Variants in SPHKAP observed in about 807,000 individuals in gnomAD.
SPHKAP encodes the protein A-kinase anchor protein SPHKAP.
SPHKAP carries 67 observed loss-of-function variants against 137.5 expected under a neutral mutation model. The ratio of observed to expected loss-of-function variants is 0.49; its 90% confidence interval spans 0.40 to 0.60. SPHKAP has a LOEUF of 0.60. SPHKAP is among the 20% of genes least tolerant of loss of function. The pLI, the probability that SPHKAP is intolerant of heterozygous loss-of-function variation, is 0.00. For missense variants in SPHKAP, 2,097 were observed against 2,069.3 expected, an observed-to-expected ratio of 1.01 and a Z score of -0.26; for synonymous variants, 813 against 785.3, an observed-to-expected ratio of 1.04 and a Z score of -0.59.
intron 1 of SPHKAP, among the ~76,000 whole-genome samples, chr2:228,175,882 A>G (rs972113514): frequency 6.6e-6 from 1 of 152,226 alleles, no homozygotes; most frequent in African/African-American, 2.4e-5. Context: ...GATAAAGTCA[A>G]CTTTATCTCT....
chr2:228,125,135 C>G (rs764314521), intron 2 of SPHKAP, among the ~76,000 whole-genome samples: 20 of 152,120 alleles, frequency 1.3e-4, no homozygotes, highest in Non-Finnish European at 2.5e-4. Context: ...GAGGGATATT[C>G]CAGGTGTTGA....
intron 7 of SPHKAP, among the ~76,000 whole-genome samples, chr2:228,004,634 T>C (rs1382086830): frequency 6.6e-6 from 1 of 152,186 alleles, no homozygotes; most frequent in East Asian, 1.9e-4. Context: ...CTCTAGTTCT[T>C]TTAATTGTGA....
intron 2 of SPHKAP, among the ~76,000 whole-genome samples, chr2:228,113,422 C>T (rs968421748): frequency 1.3e-5 from 2 of 152,078 alleles, no homozygotes; most frequent in South Asian, 4.1e-4. Flanking sequence ...CATTAGCTAT[C>T]ATCATAGTTA....
At chr2:227,984,388 T>C (rs2106150735) in intron 11 of SPHKAP, among the ~76,000 whole-genome samples, 1 of 152,086 alleles carries the variant, frequency 6.6e-6, no homozygotes, top group East Asian at 1.9e-4. Context: ...TCTTAGCTTC[T>C]TGTCTACCTG....
At chr2:228,115,144 G>A (rs534707558) in intron 2 of SPHKAP, among the ~76,000 whole-genome samples, 58 of 152,170 alleles carry the variant, frequency 3.8e-4, no homozygotes, top group African/African-American at 1.4e-3. Context: ...CAGTGTGTTG[G>A]TGTTTCTACT....
rs865967990 is a variant in SPHKAP, at chr2:228,019,352, G to A, written c.1502C>T (p.Ala501Val). Reference protein sequence around the residue: ...QPQSALEVALACAATVIGTIS... With the variant: ...QPQSALEVALVCAATVIGTIS... ...AGTTCCAATCACAGTGGCTGCACAA[G>A]CTAACGCCACTTCTAGAGCACTCTG... Residue 501 changes from alanine (A) to valine (V), a missense_variant, in exon 7 of 12, where the codon GCT (alanine) becomes GTT (valine). Ala to Val is a moderately conservative substitution (Grantham distance 64). Coordinates refer to ENST00000392056, the MANE Select transcript of SPHKAP (RefSeq NM_001142644.2). The A allele has an allele frequency of 6.2e-7, 1 of 1,614,064 alleles. No individual in the cohort carries two copies. The highest frequency in any genetic ancestry group is 8.5e-7 in the Non-Finnish European group (1 of 1,180,046).
chr2:228,019,732 T>C lies in SPHKAP; in HGVS notation c.1122A>G (p.Thr374=). 1 of 1,614,224 alleles carries C rather than the reference T, an allele frequency of 6.2e-7. No homozygotes were observed. The highest frequency in any genetic ancestry group is 8.5e-7 in the Non-Finnish European group (1 of 1,180,024). The change falls in exon 7 of 12, where the codon ACA becomes ACG. Residue 374 remains threonine (T), a synonymous_variant. Transcript: ENST00000392056. ...SNLNPGDHED[T]RNALPPRQDG... is the part of the protein sequence containing the mutation. ...CTTGTCTAGGAGGGAGAGCGTTTCT[T>C]GTGTCTTCATGGTCTCCTGGGTTTA...
At chr2:227,997,479 C>A (rs532352459) in intron 7 of SPHKAP, among the ~76,000 whole-genome samples, 1 of 152,254 alleles carries the variant, frequency 6.6e-6, no homozygotes, top group East Asian at 1.9e-4. Context: ...GAAAAAAAAT[C>A]ATTTAATGCA....
At chr2:228,151,536 T>G (rs1232383519) in intron 1 of SPHKAP, among the ~76,000 whole-genome samples, 1 of 152,176 alleles carries the variant, frequency 6.6e-6, no homozygotes, top group African/African-American at 2.4e-5. Context: ...TGAACTAGTT[T>G]ACAGTCCCGT....
At chr2:228,145,491 G>T (rs921633388) in intron 1 of SPHKAP, among the ~76,000 whole-genome samples, 3 of 152,232 alleles carry the variant, frequency 2.0e-5, no homozygotes, top group Admixed American at 6.5e-5. Flanking sequence ...GGGAGGATAA[G>T]CTTGCCCAGG....
chr2:228,055,444 C>G (rs193279126), intron 3 of SPHKAP, among the ~76,000 whole-genome samples: 59 of 152,294 alleles, frequency 3.9e-4, no homozygotes, highest in Non-Finnish European at 5.9e-4. Context: ...TTCCCAGGTC[C>G]TTGGTTCATG....
At chr2:228,084,805 G>A (rs898186140) in intron 3 of SPHKAP, among the ~76,000 whole-genome samples, 44 of 152,058 alleles carry the variant, frequency 2.9e-4, no homozygotes, top group African/African-American at 1.1e-3. Flanking sequence ...AGAAAGGGCT[G>A]GATTGAACAG....
At chr2:228,025,593 C>T in intron 4 of SPHKAP, 65 bp from the exon 5 acceptor site, 1 of 1,576,726 alleles carries the variant, frequency 6.3e-7, no homozygotes, top group Non-Finnish European at 8.6e-7. Context: ...TCACAAACTA[C>T]TTTACCTTCA....
intron 7 of SPHKAP, among the ~76,000 whole-genome samples, chr2:228,004,131 G>T (rs1694028827): frequency 6.6e-6 from 1 of 152,204 alleles, no homozygotes; most frequent in South Asian, 2.1e-4. Context: ...GTTTCAAAAA[G>T]ATTGGTACCA....
chr2:228,030,554 A>AAAAAAAAAG (rs144401199), intron 3 of SPHKAP, among the ~76,000 whole-genome samples: 1 of 140,174 alleles, frequency 7.1e-6, no homozygotes, highest in African/African-American at 2.7e-5. Context: ...AAAAAAAAAA[A>AAAAAAAAAG]AATAAAAAAA....
chr2:228,031,330 C>T (rs1333861785), intron 3 of SPHKAP, among the ~76,000 whole-genome samples: 1 of 152,212 alleles, frequency 6.6e-6, no homozygotes, highest in Non-Finnish European at 1.5e-5. Flanking sequence ...GGGGTGTTGG[C>T]CATTGCCCAG....
intron 3 of SPHKAP, among the ~76,000 whole-genome samples, chr2:228,092,477 G>A (rs866290721): frequency 1.7e-3 from 13 of 7,682 alleles, no homozygotes; most frequent in East Asian, 0.011. Flanking sequence ...CCATATATAT[G>A]TATACATATA....
At chr2:228,166,654 T>C (rs1458061160) in intron 1 of SPHKAP, among the ~76,000 whole-genome samples, 1 of 152,216 alleles carries the variant, frequency 6.6e-6, no homozygotes, top group East Asian at 1.9e-4. Context: ...TTTGACACAA[T>C]AGAAATACTG....
intron 7 of SPHKAP, among the ~76,000 whole-genome samples, chr2:228,008,860 T>A (rs565229085): frequency 6.6e-6 from 1 of 152,252 alleles, no homozygotes; most frequent in East Asian, 1.9e-4. Context: ...AATACCACAC[T>A]CTCTTGACTA....
Sources: allele counts gnomAD v4.1 joint callset (sites outside exome capture counted in the v4.1 genomes callset), GRCh38; gene constraint gnomAD v4.1.1; transcripts MANE v1.5; gene names NCBI Gene and HGNC (gene_info 2026-07-23, HGNC 2026-07-21).